Variants in PRKN observed in about 807,000 individuals in gnomAD.
The protein encoded by PRKN is parkin RBR E3 ubiquitin protein ligase.
Under a neutral mutation model 59.5 loss-of-function variants are expected in PRKN, and 56 were observed. The observed-to-expected ratio is 0.94, with a 90% confidence interval of 0.76 to 1.18. The LOEUF (loss-of-function observed/expected upper bound fraction) is 1.18. Ranked by LOEUF, PRKN falls within the 50% of genes most tolerant of loss-of-function variation. The pLI, the probability that PRKN is intolerant of heterozygous loss-of-function variation, is 0.00. For missense variants in PRKN, 657 were observed against 596.4 expected, an observed-to-expected ratio of 1.10 and a Z score of -1.06; for synonymous variants, 250 against 222.1, an observed-to-expected ratio of 1.13 and a Z score of -1.12.
intron 4 of PRKN, among the ~76,000 whole-genome samples, chr6:162,085,826 T>C (rs1407272645): frequency 6.6e-6 from 1 of 152,148 alleles, no homozygotes; most frequent in African/African-American, 2.4e-5. Context: ...TGACAGAAAT[T>C]TACCTGTTTT....
In PRKN at chr6:161,362,722, C is replaced by T. The variant is rs999505575; in HGVS notation, c.1168-2517G>A. ...TGAAATATTACCAGATTGGCATATA[C>T]CCTGGAACCAGGCGGAAGCAAAAAT... On this transcript the variant is annotated intron_variant, in intron 10 of 11. Coordinates refer to ENST00000366898, the MANE Select transcript of PRKN (RefSeq NM_004562.3). This position sits in a 1 kb window ranked among gnomAD's most constrained non-coding sequence, Gnocchi z 5.2. 3.3e-5 allele frequency among the ~76,000 whole-genome samples: 5 copies of T among 152,316 alleles called. No homozygotes were observed. The highest frequency in any genetic ancestry group is 6.5e-5 in the Admixed American group (1 of 15,302).
At position 161,518,795 on chromosome 6, in the gene PRKN, C is replaced by T. The variant is rs1212305322; in HGVS notation, c.1083+30059G>A. On this transcript the variant is annotated intron_variant, in intron 9 of 11. Transcript: ENST00000366898. This position sits in a 1 kb window ranked among gnomAD's most constrained non-coding sequence, Gnocchi z 5.0. ...CACCTCTAGCAGCCCCTGGCAGCTG[C>T]CTTGCACAGAAGAGTCACCTGGTGA... Among the ~76,000 whole-genome samples the T allele has an allele frequency of 6.6e-6, 1 of 152,126 alleles. No homozygotes were observed. Among genetic ancestry groups the T allele is most frequent in the African/African-American group, 2.4e-5 (1 of 41,418 alleles).
intron 1 of PRKN, among the ~76,000 whole-genome samples, chr6:162,501,473 G>A (rs1022956386): frequency 1.5e-4 from 23 of 149,682 alleles, no homozygotes; most frequent in African/African-American, 5.2e-4. Flanking sequence ...TCAGCCTCCC[G>A]AATATCTGGG....
At chr6:162,223,460 A>G (rs1778022056) in intron 3 of PRKN, among the ~76,000 whole-genome samples, 1 of 149,628 alleles carries the variant, frequency 6.7e-6, no homozygotes. Context: ...AGTAATTGTG[A>G]CAGGCTGGAA....
intron 7 of PRKN, among the ~76,000 whole-genome samples, chr6:161,658,454 G>C (rs1784434686): frequency 6.6e-6 from 1 of 152,188 alleles, no homozygotes; most frequent in Non-Finnish European, 1.5e-5. Context: ...TCTTTGAAAA[G>C]TCAACCAGTG....
chr6:162,175,597 T>C (rs1233790918), intron 4 of PRKN, among the ~76,000 whole-genome samples: 1 of 152,200 alleles, frequency 6.6e-6, no homozygotes, highest in African/African-American at 2.4e-5. Context: ...ATTTCTCCCA[T>C]GTACAGGTTA....
chr6:162,229,790 T>C (rs1487424882), intron 3 of PRKN, among the ~76,000 whole-genome samples: 1 of 152,248 alleles, frequency 6.6e-6, no homozygotes, highest in Non-Finnish European at 1.5e-5. Context: ...TAGTCTGTTT[T>C]TGTACAAACG....
chr6:162,338,101 G>C (rs560406288), intron 2 of PRKN, among the ~76,000 whole-genome samples: 1 of 152,076 alleles, frequency 6.6e-6, no homozygotes, highest in Non-Finnish European at 1.5e-5. Flanking sequence ...ACAGTGGCCC[G>C]GGAGACAGAA....
intron 2 of PRKN, among the ~76,000 whole-genome samples, chr6:162,414,657 A>G (rs113211694): frequency 2.8e-5 from 4 of 144,522 alleles, no homozygotes; most frequent in African/African-American, 5.1e-5. Context: ...GTTGCAGTGA[A>G]CCAAGATCGC....
chr6:161,461,257 C>A lies in PRKN; in HGVS notation c.1084-74380G>T, dbSNP rs1324626186. ...GAAAAGTACTCAGTGAGTTCCGGAC[C>A]CGGAAATGGTTCAACATGAGTTAAG... On this transcript the variant is annotated intron_variant, in intron 9 of 11. Transcript: ENST00000366898. The surrounding 1 kb of genome is among the most constrained non-coding windows in gnomAD (Gnocchi z 5.1). Among the ~76,000 whole-genome samples the A allele has an allele frequency of 1.3e-5, 2 of 152,038 alleles. No homozygotes were observed. Among genetic ancestry groups the A allele is most frequent in the African/African-American group, 4.8e-5 (2 of 41,378 alleles).
At chr6:162,285,342 G>A (rs528293415) in intron 2 of PRKN, among the ~76,000 whole-genome samples, 1 of 147,556 alleles carries the variant, frequency 6.8e-6, no homozygotes, top group African/African-American at 2.5e-5. Context: ...GGCACCATGG[G>A]TAGTACCTCC....
At chr6:162,122,935 T>C (rs1368235574) in intron 4 of PRKN, among the ~76,000 whole-genome samples, 1 of 151,636 alleles carries the variant, frequency 6.6e-6, no homozygotes, top group South Asian at 2.1e-4. Flanking sequence ...TCTTCTCAGC[T>C]CTGGGCTCTG....
chr6:162,156,429 C>G (rs1178932851), intron 4 of PRKN, among the ~76,000 whole-genome samples: 1 of 152,190 alleles, frequency 6.6e-6, no homozygotes, highest in Non-Finnish European at 1.5e-5. Context: ...AGTAGGGAAG[C>G]TGACAGTGCA....
At chr6:161,751,494 TA>T (rs1788693328) in intron 7 of PRKN, among the ~76,000 whole-genome samples, 1 of 152,384 alleles carries the variant, frequency 6.6e-6, no homozygotes, top group East Asian at 1.9e-4. Context: ...TTCACACTGA[TA>T]TTTAAGTTGT....
intron 4 of PRKN, among the ~76,000 whole-genome samples, chr6:162,189,181 AT>A (rs749099780): frequency 2.5e-4 from 38 of 151,972 alleles, no homozygotes; most frequent in Admixed American, 4.6e-4. Flanking sequence ...GTTGATTCCT[AT>A]TCTAATTATA....
At chr6:162,476,210 A>G (rs1792010217) in intron 1 of PRKN, among the ~76,000 whole-genome samples, 1 of 152,092 alleles carries the variant, frequency 6.6e-6, no homozygotes, top group Non-Finnish European at 1.5e-5. Context: ...GGCATGTGCC[A>G]CCACGCCCTA....
chr6:162,436,973 T>C (rs778872885), intron 2 of PRKN, among the ~76,000 whole-genome samples: 5 of 152,008 alleles, frequency 3.3e-5, no homozygotes, highest in African/African-American at 4.8e-5. Flanking sequence ...GCGCCTGTAA[T>C]CCCAGCTACT....
intron 7 of PRKN, among the ~76,000 whole-genome samples, chr6:161,680,773 ATATT>A (rs1785322106): frequency 1.5e-4 from 3 of 19,676 alleles, no homozygotes; most frequent in Non-Finnish European, 3.3e-4. Context: ...ATATATATAT[ATATT>A]TTTTTTTTTT....
intron 1 of PRKN, among the ~76,000 whole-genome samples, chr6:162,677,452 A>C (rs957107672): frequency 3.1e-5 from 4 of 128,778 alleles, no homozygotes; most frequent in Admixed American, 9.0e-5. Flanking sequence ...CCCCACCGTG[A>C]AAAGCACTGT....
Sources: allele counts gnomAD v4.1 joint callset (sites outside exome capture counted in the v4.1 genomes callset), GRCh38; gene constraint gnomAD v4.1.1; non-coding constraint Gnocchi (gnomAD v3.1); transcripts MANE v1.5; gene names NCBI Gene and HGNC (gene_info 2026-07-23, HGNC 2026-07-21).